Variants in TFDP2 observed in about 807,000 individuals in gnomAD.
TFDP2 encodes the protein transcription factor Dp-2.
In TFDP2, 17 loss-of-function variants were observed where a neutral mutation model predicts 59.3. The observed-to-expected ratio is 0.29, with a 90% CI of 0.20 to 0.43. The LOEUF (loss-of-function observed/expected upper bound fraction) is 0.43, where lower values mean the gene tolerates loss of function less well. TFDP2 is among the 20% of genes least tolerant of loss of function. TFDP2 has a pLI of 1.00. For missense variants in TFDP2, 391 were observed against 528.8 expected (o/e 0.74, Z 2.56); for synonymous variants, 180 against 194.7 (o/e 0.92, Z 0.63).
At chr3:142,006,795 T>C (rs1432526752) in intron 3 of TFDP2, among the ~76,000 whole-genome samples, 3 of 151,778 alleles carry the variant, frequency 2.0e-5, no homozygotes, top group Non-Finnish European at 4.4e-5. Flanking sequence ...TTTTCTTTTT[T>C]TTTGAGAGTC....
At chr3:142,122,006 G>A (rs1258000073) in intron 1 of TFDP2, among the ~76,000 whole-genome samples, 1 of 151,942 alleles carries the variant, frequency 6.6e-6, no homozygotes, top group East Asian at 1.9e-4. Flanking sequence ...TCTGGTTAAC[G>A]AGAAAACAGT....
intron 4 of TFDP2, among the ~76,000 whole-genome samples, chr3:142,004,431 T>G (rs778047500): frequency 1.3e-5 from 2 of 152,202 alleles, no homozygotes; most frequent in Non-Finnish European, 2.9e-5. Flanking sequence ...GATGAAAAGA[T>G]GAAAACACCG....
At chr3:142,015,697 C>T (rs890841337) in intron 3 of TFDP2, among the ~76,000 whole-genome samples, 1 of 152,196 alleles carries the variant, frequency 6.6e-6, no homozygotes, top group African/African-American at 2.4e-5. Context: ...TATTTCCATG[C>T]TCTCTAATAC....
chr3:142,022,682 A>C (rs1945706706), intron 3 of TFDP2, among the ~76,000 whole-genome samples: 1 of 152,200 alleles, frequency 6.6e-6, no homozygotes, highest in African/African-American at 2.4e-5. Context: ...CTTCACTGGA[A>C]ATTACTCTCA....
chr3:142,067,091 G>C (rs567815472), intron 3 of TFDP2, among the ~76,000 whole-genome samples: 1 of 152,128 alleles, frequency 6.6e-6, no homozygotes, highest in African/African-American at 2.4e-5. Context: ...TCCTAATATG[G>C]GGAACAAGGC....
rs1935707267 is a variant in TFDP2 at position 141,949,657 on chromosome 3, G to A, written c.*2856C>T. 1 of 152,258 alleles carries A rather than the reference G, an allele frequency of 6.6e-6. No individual in the cohort carries two copies. The highest frequency in any genetic ancestry group is 1.5e-5 in the Non-Finnish European group (1 of 68,158). 9.4% of individuals were successfully genotyped at this position (152,258 alleles called of 1,614,324 possible). A position where few individuals can be genotyped will look rare whatever the true frequency, so the allele number is the denominator to read the frequency against. On this transcript the variant is annotated 3_prime_UTR_variant, in exon 13 of 13. Coordinates refer to ENST00000489671, the MANE Select transcript of TFDP2 (RefSeq NM_001178139.2). ...ATGAATGACGCCACACGCCTGAAAG[G>A]GGGACAGCCACACCCTCAAGGGGAA...
chr3:141,999,172 C>T lies in TFDP2; in HGVS notation c.187-4031G>A, dbSNP rs9881731. Among the ~76,000 whole-genome samples, 739 of 152,280 alleles carry T rather than the reference C, an allele frequency of 4.9e-3. 5 individuals are homozygous for T. The highest frequency in any genetic ancestry group is 0.016 in the African/African-American group (677 of 41,558). ...TCTTTCTCCTCCGCAGCCTGCTCAA[C>T]GTGAAGACGTCGAGGATGAAGACTT... On this transcript the variant is annotated intron_variant, in intron 4 of 12. Transcript: ENST00000489671.
chr3:142,048,243 C>T (rs1163699007), intron 3 of TFDP2, among the ~76,000 whole-genome samples: 1 of 151,814 alleles, frequency 6.6e-6, no homozygotes, highest in Non-Finnish European at 1.5e-5. Flanking sequence ...GGTGAAACCT[C>T]GTCTCCACTA....
intron 1 of TFDP2, among the ~76,000 whole-genome samples, chr3:142,143,347 AAT>A (rs1471938874): frequency 3.3e-5 from 5 of 152,332 alleles, no homozygotes; most frequent in Non-Finnish European, 7.3e-5. Context: ...TCTGGGCAAG[AAT>A]TTCTTGAGCA....
intron 1 of TFDP2, among the ~76,000 whole-genome samples, chr3:142,114,465 C>T (rs1295774082): frequency 3.3e-5 from 5 of 151,918 alleles, no homozygotes; most frequent in African/African-American, 1.2e-4. Flanking sequence ...TAAACAATTG[C>T]CTTGTTTGCA....
intron 1 of TFDP2, among the ~76,000 whole-genome samples, chr3:142,129,583 A>G (rs1035910786): frequency 7.9e-5 from 12 of 152,170 alleles, no homozygotes; most frequent in Non-Finnish European, 1.3e-4. Flanking sequence ...TAGAATATAT[A>G]AAGAACCCCT....
chr3:142,065,884 T>C (rs2060060777), intron 3 of TFDP2, among the ~76,000 whole-genome samples: 2 of 152,010 alleles, frequency 1.3e-5, no homozygotes, highest in African/African-American at 4.8e-5. Flanking sequence ...TACTAGATAT[T>C]TTGGGGCTTA....
intron 7 of TFDP2, 55 bp downstream of exon 7, chr3:141,978,465 C>G: frequency 3.3e-6 from 5 of 1,521,570 alleles, no homozygotes; most frequent in Non-Finnish European, 4.4e-6. Context: ...ACAAAGATAA[C>G]ACAAAGAAGT....
intron 3 of TFDP2, among the ~76,000 whole-genome samples, chr3:142,025,588 G>A (rs1056232479): frequency 2.0e-5 from 3 of 151,966 alleles, no homozygotes; most frequent in African/African-American, 7.3e-5. Flanking sequence ...TTTTAAGCCT[G>A]TCTATTCCAT....
chr3:142,084,807 G>T (rs1005413232), intron 3 of TFDP2, among the ~76,000 whole-genome samples: 1 of 152,114 alleles, frequency 6.6e-6, no homozygotes, highest in African/African-American at 2.4e-5. Context: ...AATAAACTAT[G>T]GTTATCAGAG....
At chr3:142,042,878 T>C (rs1947079953) in intron 3 of TFDP2, among the ~76,000 whole-genome samples, 2 of 150,072 alleles carry the variant, frequency 1.3e-5, no homozygotes, top group Non-Finnish European at 3.0e-5. Flanking sequence ...TGGCTCGGAT[T>C]ACAAGCATGG....
At chr3:142,000,599 C>A (rs957455437) in intron 4 of TFDP2, among the ~76,000 whole-genome samples, 1 of 152,090 alleles carries the variant, frequency 6.6e-6, no homozygotes, top group African/African-American at 2.4e-5. Flanking sequence ...CATTTCATTC[C>A]AATAGTCTCA....
chr3:142,104,522 A>G (rs1438447317), intron 1 of TFDP2, among the ~76,000 whole-genome samples: 1 of 152,178 alleles, frequency 6.6e-6, no homozygotes, highest in Non-Finnish European at 1.5e-5. Context: ...GAAATATTAC[A>G]CAGATTATGG....
rs570878364 is a variant in TFDP2, at chr3:142,006,499, C to T, written c.83-955G>A. ...TTTTTTTTTTTTGAGATGGGGGTCT[C>T]GCTCTGACACCCAGGCTAGAGGACA... On this transcript the variant is annotated intron_variant, in intron 3 of 12. Transcript: ENST00000489671. 1.1e-4 allele frequency among the ~76,000 whole-genome samples: 16 copies of T among 141,374 alleles called. No homozygotes were observed. In the East Asian group the frequency reaches 1.5e-3, roughly 13 times the overall value. The allele number at this position is 141,374 out of a possible 152,430, so 92.7% of individuals were successfully genotyped here.
Sources: allele counts gnomAD v4.1 joint callset (sites outside exome capture counted in the v4.1 genomes callset), GRCh38; gene constraint gnomAD v4.1.1; transcripts MANE v1.5; gene names NCBI Gene and HGNC (gene_info 2026-07-23, HGNC 2026-07-21).